Variants in HS2ST1 observed in about 807,000 individuals in gnomAD.
The protein encoded by HS2ST1 is heparan sulfate 2-O-sulfotransferase 1, also known as 2-O-sulfotransferase.
A neutral mutation model predicts 42.9 loss-of-function variants in HS2ST1; 18 were observed. The observed-to-expected ratio is 0.42, with a 90% CI of 0.29 to 0.62. HS2ST1 has a LOEUF of 0.62. Ranked by LOEUF, HS2ST1 falls within the 20% of genes least tolerant of loss-of-function variation. The pLI, the probability that HS2ST1 is intolerant of heterozygous loss-of-function variation, is 0.21. For synonymous variants in HS2ST1, 146 were observed against 152.9 expected, an observed-to-expected ratio of 0.95 and a Z score of 0.33; for missense variants, 334 against 433.8, an observed-to-expected ratio of 0.77 and a Z score of 2.04.
chr1:86,933,386 T>C (rs1017511848), intron 1 of HS2ST1, among the ~76,000 whole-genome samples: 1 of 152,250 alleles, frequency 6.6e-6, no homozygotes, highest in Non-Finnish European at 1.5e-5. Flanking sequence ...GGGAAGTTTC[T>C]ATCAACGTAT....
intron 1 of HS2ST1, among the ~76,000 whole-genome samples, chr1:86,984,591 A>G (rs959405943): frequency 6.6e-5 from 10 of 152,102 alleles, no homozygotes; most frequent in Admixed American, 2.6e-4. Flanking sequence ...TAAATGTTTA[A>G]AAGAAATGTA....
At chr1:86,943,941 G>A (rs1647255863) in intron 1 of HS2ST1, among the ~76,000 whole-genome samples, 1 of 151,900 alleles carries the variant, frequency 6.6e-6, no homozygotes, top group African/African-American at 2.4e-5. Context: ...CAGGAGAATC[G>A]CTTGAACCCA....
chr1:86,935,497 C>G (rs1660627991), intron 1 of HS2ST1, among the ~76,000 whole-genome samples: 2 of 109,164 alleles, frequency 1.8e-5, no homozygotes, highest in South Asian at 6.3e-4. Context: ...GAGGCTTGCT[C>G]TGTTGCCCAG....
chr1:87,023,505 A>G (rs538020736), intron 1 of HS2ST1, among the ~76,000 whole-genome samples: 2 of 152,144 alleles, frequency 1.3e-5, no homozygotes, highest in African/African-American at 4.8e-5. Flanking sequence ...TATGTATAAC[A>G]TGCTATCACT....
intron 1 of HS2ST1, among the ~76,000 whole-genome samples, chr1:87,017,205 C>T (rs1187972974): frequency 2.6e-5 from 4 of 152,084 alleles, no homozygotes; most frequent in East Asian, 1.9e-4. Flanking sequence ...GGTGCCATCT[C>T]GGCTCACTGC....
chr1:86,998,044 A>G (rs1649157471), intron 1 of HS2ST1, among the ~76,000 whole-genome samples: 2 of 152,284 alleles, frequency 1.3e-5, no homozygotes, highest in South Asian at 4.2e-4. Context: ...GATTCTTACT[A>G]ACTTTTCACT....
intron 1 of HS2ST1, among the ~76,000 whole-genome samples, chr1:86,985,318 G>T (rs1190239410): frequency 7.0e-6 from 1 of 143,022 alleles, no homozygotes; most frequent in Non-Finnish European, 1.5e-5. Flanking sequence ...TCGTGCCACT[G>T]CACTCCAGCC....
intron 1 of HS2ST1, among the ~76,000 whole-genome samples, chr1:86,933,101 G>A (rs1383320186): frequency 6.6e-6 from 1 of 151,980 alleles, no homozygotes; most frequent in Non-Finnish European, 1.5e-5. Context: ...ATTGTTCTTT[G>A]CAAAGTTTTT....
rs777703191 is a variant in HS2ST1 at position 87,103,499 on chromosome 1, G to A, written c.754G>A (p.Gly252Arg). ...YNLINEYFLV[G>R]VTEELEDFIM... ...CCTAATTAATGAATATTTTCTGGTG[G>A]GAGTTACTGAAGAACTTGAAGATTT... The change falls in exon 6 of 7, where the codon GGA becomes AGA. Residue 252 changes from glycine to arginine, a missense_variant. By Grantham distance (125) the Gly-to-Arg change is moderately radical (BLOSUM62 -2). Coordinates refer to ENST00000370550, the MANE Select transcript of HS2ST1 (RefSeq NM_012262.4). 2 of 1,612,896 alleles carry A rather than the reference G, an allele frequency of 1.2e-6. No individual in the cohort carries two copies. The highest frequency in any genetic ancestry group is 1.1e-5 in the South Asian group (1 of 90,774).
intron 1 of HS2ST1, among the ~76,000 whole-genome samples, chr1:86,944,416 G>A (rs1282401914): frequency 1.3e-5 from 2 of 151,944 alleles, no homozygotes; most frequent in Non-Finnish European, 2.9e-5. Flanking sequence ...GTGCAGTGGC[G>A]TGATCTTGAC....
chr1:86,952,121 A>C (rs1647536566), intron 1 of HS2ST1, among the ~76,000 whole-genome samples: 1 of 152,216 alleles, frequency 6.6e-6, no homozygotes, highest in African/African-American at 2.4e-5. Flanking sequence ...TGAATCATGA[A>C]TGTTCTGAAT....
chr1:86,930,270 C>G lies in HS2ST1; in HGVS notation c.124+15110C>G, dbSNP rs150901798. ...GTTTATGGATATCTTTAAAATTTTTCCTAATTAGCAGTGAAAACATTTTGA... is the reference window on the plus strand; with the variant it reads ...GTTTATGGATATCTTTAAAATTTTTGCTAATTAGCAGTGAAAACATTTTGA... On this transcript the variant is annotated intron_variant, in intron 1 of 6. Transcript: ENST00000370550. Among the ~76,000 whole-genome samples, 815 of 151,892 alleles carry G rather than the reference C, an allele frequency of 5.4e-3. 10 individuals are homozygous for G. Among genetic ancestry groups the G allele is most frequent in the African/African-American group, 0.019 (773 of 41,482 alleles).
At chr1:87,085,846 A>T (rs1270467094) in intron 3 of HS2ST1, among the ~76,000 whole-genome samples, 1 of 152,212 alleles carries the variant, frequency 6.6e-6, no homozygotes, top group South Asian at 2.1e-4. Flanking sequence ...GCTCTGATAT[A>T]TGCTGAGGTT....
intron 1 of HS2ST1, among the ~76,000 whole-genome samples, chr1:86,969,273 A>G (rs947805111): frequency 2.6e-5 from 4 of 152,196 alleles, no homozygotes; most frequent in Admixed American, 1.3e-4. Flanking sequence ...TGAAACCTCA[A>G]TTTGGATTTA....
At chr1:87,059,053 C>T (rs561796931) in intron 1 of HS2ST1, among the ~76,000 whole-genome samples, 28 of 152,078 alleles carry the variant, frequency 1.8e-4, no homozygotes, top group African/African-American at 4.8e-4. Context: ...AGTGAGACTC[C>T]GTCTCAAAAA....
intron 1 of HS2ST1, among the ~76,000 whole-genome samples, chr1:87,003,266 ATTAG>A (rs1450965590): frequency 7.0e-6 from 1 of 143,534 alleles, no homozygotes; most frequent in Non-Finnish European, 1.5e-5. Flanking sequence ...TAGGTATGAA[ATTAG>A]TTTAGGCTAA....
At chr1:87,003,867 G>A (rs1649358795) in intron 1 of HS2ST1, among the ~76,000 whole-genome samples, 2 of 152,268 alleles carry the variant, frequency 1.3e-5, no homozygotes, top group African/African-American at 2.4e-5. Flanking sequence ...TTTAATATAA[G>A]GGACTTGAGC....
chr1:87,014,549 T>G (rs1414979806), intron 1 of HS2ST1, among the ~76,000 whole-genome samples: 1 of 152,272 alleles, frequency 6.6e-6, no homozygotes, highest in Middle Eastern at 3.4e-3. Flanking sequence ...AGCTATATAG[T>G]GTAAAAGTTG....
intron 5 of HS2ST1, among the ~76,000 whole-genome samples, chr1:87,103,006 C>T (rs935903451): frequency 2.6e-5 from 4 of 152,112 alleles, no homozygotes; most frequent in African/African-American, 9.7e-5. Context: ...TTTCAGAAAA[C>T]ACTTAGCTCA....
Sources: allele counts gnomAD v4.1 joint callset (sites outside exome capture counted in the v4.1 genomes callset), GRCh38; gene constraint gnomAD v4.1.1; transcripts MANE v1.5; gene names NCBI Gene and HGNC (gene_info 2026-07-23, HGNC 2026-07-21).